The following SENP6 variants were observed in gnomAD, a reference collection of about 807,000 sequenced individuals.
SENP6 encodes the protein sentrin-specific protease 6.
Under a neutral mutation model 134.5 loss-of-function variants are expected in SENP6, and 41 were observed. The ratio of observed to expected loss-of-function variants is 0.30; its 90% CI spans 0.24 to 0.40. The LOEUF is 0.40. SENP6 is among the 10% of genes least tolerant of loss of function. The pLI, the probability that SENP6 is intolerant of heterozygous loss-of-function variation, is 1.00. For synonymous variants in SENP6, 395 were observed against 429.8 expected (o/e 0.92, Z 1.00); for missense variants, 1,248 against 1,312.5 (o/e 0.95, Z 0.76).
chr6:75,634,771 G>T lies in SENP6; in HGVS notation c.418G>T (p.Ala140Ser). The T allele has an allele frequency of 6.2e-7, 1 of 1,600,468 alleles. No individual in the cohort carries two copies. Among genetic ancestry groups the T allele is most frequent in the African/African-American group, 1.3e-5 (1 of 74,096 alleles). ...TVVHGRRFHH[A>S]HAQIPVVKTA... ...AGTTCATGGTAGACGTTTTCATCAT[G>T]CTCATGCACAGATACCAGTAGTAAA... Residue 140 changes from alanine to serine, a missense_variant, in exon 5 of 24, where the codon GCT (alanine) becomes TCT (serine). Ala to Ser is a moderately conservative substitution (Grantham distance 99). This residue lies in a region of SENP6 where 733 missense variants were observed against 725.4 expected (regional missense o/e 1.01). Transcript: ENST00000447266.
intron 1 of SENP6, among the ~76,000 whole-genome samples, chr6:75,616,743 C>G (rs961340219): frequency 1.5e-5 from 2 of 133,452 alleles, no homozygotes; most frequent in African/African-American, 5.6e-5. Flanking sequence ...AAGACTCCAT[C>G]TCAAAAAAAA....
intron 11 of SENP6, among the ~76,000 whole-genome samples, chr6:75,673,069 C>T (rs1298195245): frequency 4.6e-5 from 7 of 152,076 alleles, no homozygotes; most frequent in Admixed American, 6.5e-5. Flanking sequence ...CCTTGTGATC[C>T]GCCCATCTCG....
intron 10 of SENP6, among the ~76,000 whole-genome samples, chr6:75,667,950 G>C (rs1772375254): frequency 6.6e-6 from 1 of 152,110 alleles, no homozygotes; most frequent in East Asian, 1.9e-4. Context: ...TATTACTTTA[G>C]TATGAATGTT....
At chr6:75,680,550 GAAGT>G (rs1200958813) in intron 16 of SENP6, among the ~76,000 whole-genome samples, 1 of 152,206 alleles carries the variant, frequency 6.6e-6, no homozygotes, top group African/African-American at 2.4e-5. Context: ...AGCTGTTGAA[GAAGT>G]AAGAAGAGAA....
At position 75,696,045 on chromosome 6, in the gene SENP6, C is replaced by G. The variant is rs533028744; in HGVS notation, c.2195+122C>G. The G allele has an allele frequency of 4.1e-5, 36 of 875,268 alleles. No homozygotes were observed. The South Asian group carries it at 6.7e-4, about 16-fold the overall frequency. 54.2% of individuals were successfully genotyped at this position (875,268 alleles called of 1,614,324 possible). On this transcript the variant is annotated intron_variant, in intron 17 of 23. Coordinates refer to ENST00000447266, the MANE Select transcript of SENP6 (RefSeq NM_015571.4). ...TTCTCTTGCTTACTTTTTAAATTCTCCAGCCAGGAAGAGAACACACTAAAT... is the reference window on the plus strand; with the variant it reads ...TTCTCTTGCTTACTTTTTAAATTCTGCAGCCAGGAAGAGAACACACTAAAT...
chr6:75,653,537 TATTA>T lies in SENP6; in HGVS notation c.551-5719_551-5716del, dbSNP rs1342470215. ...TCATTTTTATTTAACAGCATTATTT[TATTA>T]ATTAACCTTGTTTTCCCTCAATGCG... On this transcript the variant is annotated intron_variant, in intron 7 of 23. Transcript: ENST00000447266. Among the ~76,000 whole-genome samples the T allele has an allele frequency of 5.3e-5, 8 of 152,322 alleles. No homozygotes were observed. In the East Asian group the frequency reaches 1.5e-3, roughly 29 times the overall value.
rs72654710 is a variant in SENP6, at chr6:75,617,023, G to A, written c.53-4509G>A. Among the ~76,000 whole-genome samples, 1,595 of 151,598 alleles carry A rather than the reference G, an allele frequency of 0.011. 60 individuals are homozygous for A. In the East Asian group the frequency reaches 0.14, roughly 13 times the overall value. ...CCTGAGTAGCTGGTACTACAGGCAC[G>A]CACCACCATGCCAGGCTAATTTTTT... On this transcript the variant is annotated intron_variant, in intron 1 of 23. Coordinates refer to ENST00000447266, the MANE Select transcript of SENP6 (RefSeq NM_015571.4).
chr6:75,602,181 G>C lies in SENP6; in HGVS notation c.-344G>C. On this transcript the variant is annotated 5_prime_UTR_variant, in exon 1 of 24. Coordinates refer to ENST00000447266, the MANE Select transcript of SENP6 (RefSeq NM_015571.4). ...TCTTGGGAACCCACGGCTGGGGGAAGTTTCTCAGGCAGCCTGGGTGGGCGG... is the reference window on the plus strand; with the variant it reads ...TCTTGGGAACCCACGGCTGGGGGAACTTTCTCAGGCAGCCTGGGTGGGCGG... The C allele has an allele frequency of 3.9e-6, 1 of 255,656 alleles. No individual in the cohort carries two copies. The highest frequency in any genetic ancestry group is 7.4e-6 in the Non-Finnish European group (1 of 135,746). The allele number at this position is 255,656 out of a possible 1,614,324, so 15.8% of individuals were successfully genotyped here. A position where few individuals can be genotyped will look rare whatever the true frequency, so the allele number is the denominator to read the frequency against.
At chr6:75,710,752 C>T (rs899652775) in intron 20 of SENP6, among the ~76,000 whole-genome samples, 15 of 152,196 alleles carry the variant, frequency 9.9e-5, no homozygotes, top group Admixed American at 5.2e-4. Context: ...GAAGCTTTCT[C>T]AAAGAACAAC....
In SENP6 at chr6:75,694,040, T is replaced by C. The variant is rs72654741; in HGVS notation, c.2076-1764T>C. 0.011 allele frequency among the ~76,000 whole-genome samples: 1,609 copies of C among 152,282 alleles called. 61 individuals carry two copies. The East Asian group carries it at 0.14, about 13-fold the overall frequency. On this transcript the variant is annotated intron_variant, in intron 16 of 23. Coordinates refer to ENST00000447266, the MANE Select transcript of SENP6 (RefSeq NM_015571.4). ...AGGAGGCCGAGGCAGGTGGATCACC[T>C]GAGATCGAGAGTTCAAGACCAGCCT...
chr6:75,610,614 CTA>C (rs576970551), intron 1 of SENP6, among the ~76,000 whole-genome samples: 1 of 152,144 alleles, frequency 6.6e-6, no homozygotes, highest in Non-Finnish European at 1.5e-5. Flanking sequence ...AAATTATTAA[CTA>C]TTATCTTCAG....
chr6:75,622,028 A>G (rs907178321), intron 2 of SENP6, among the ~76,000 whole-genome samples: 4 of 152,320 alleles, frequency 2.6e-5, no homozygotes, highest in Middle Eastern at 6.8e-3. Flanking sequence ...ATACTACAGT[A>G]TCTTTCTTCC....
chr6:75,693,409 T>TTAA (rs1229753288), intron 16 of SENP6, among the ~76,000 whole-genome samples: 1 of 123,996 alleles, frequency 8.1e-6, no homozygotes, highest in African/African-American at 3.1e-5. Context: ...GTCTGAAATT[T>TTAA]AAAAAAAAAA....
chr6:75,609,334 G>A (rs1304265303), intron 1 of SENP6, among the ~76,000 whole-genome samples: 1 of 152,202 alleles, frequency 6.6e-6, no homozygotes, highest in African/African-American at 2.4e-5. Context: ...ATTATTTATT[G>A]ATGAAGCAGC....
chr6:75,617,434 G>A (rs776193544), intron 1 of SENP6, among the ~76,000 whole-genome samples: 5 of 151,386 alleles, frequency 3.3e-5, no homozygotes, highest in South Asian at 2.1e-4. Flanking sequence ...CCACCACACC[G>A]GCTAATTTTG....
Position 75,685,302 on chromosome 6 carries a change from G to A in SENP6, c.2075+6375G>A, listed in dbSNP as rs574389976. Among the ~76,000 whole-genome samples, 78 of 152,110 alleles carry A rather than the reference G, an allele frequency of 5.1e-4. 1 individual carries two copies. In the East Asian group the frequency reaches 0.014, roughly 28 times the overall value. ...TCTTTATTAGTCTTGCTAGCAGTCA[G>A]TCAATTTTGTTGATCTTTTCAAAAA... On this transcript the variant is annotated intron_variant, in intron 16 of 23. Coordinates refer to ENST00000447266, the MANE Select transcript of SENP6 (RefSeq NM_015571.4).
At chr6:75,693,014 T>C (rs1264560643) in intron 16 of SENP6, among the ~76,000 whole-genome samples, 1 of 152,208 alleles carries the variant, frequency 6.6e-6, no homozygotes, top group Admixed American at 6.5e-5. Context: ...GAGGCTGCAG[T>C]GAGCCACTAT....
chr6:75,680,870 C>G (rs1773414634), intron 16 of SENP6, among the ~76,000 whole-genome samples: 1 of 152,118 alleles, frequency 6.6e-6, no homozygotes, highest in South Asian at 2.1e-4. Context: ...CCCTACTACC[C>G]ACTGGAGTGT....
chr6:75,630,068 CTTTT>C (rs35109678), intron 3 of SENP6, among the ~76,000 whole-genome samples: 1 of 139,476 alleles, frequency 7.2e-6, no homozygotes. Context: ...CTTGTGATAA[CTTTT>C]TTTTTTTTTT....
Sources: gnomAD v4.1 joint callset for allele counts (sites outside exome capture counted in the v4.1 genomes callset) on GRCh38, gnomAD v4.1.1 for gene constraint, gnomAD v4.1.1 regional missense constraint, MANE v1.5 for transcripts, NCBI Gene and HGNC (gene_info 2026-07-23, HGNC 2026-07-21) for gene names.